Variants in KIF6 observed in about 807,000 individuals in gnomAD.
KIF6 encodes the protein kinesin-like protein KIF6.
Under a neutral mutation model 112.7 loss-of-function variants are expected in KIF6, and 106 were observed. That is an observed-to-expected ratio of 0.94 (90% confidence interval 0.80 to 1.11). The LOEUF (loss-of-function observed/expected upper bound fraction) is 1.11. KIF6 is among the 50% of genes least tolerant of loss of function. KIF6 has a pLI of 0.00. For synonymous variants in KIF6, 339 were observed against 339.9 expected, an observed-to-expected ratio of 1.00 and a Z score of 0.03; for missense variants, 929 against 964.0, an observed-to-expected ratio of 0.96 and a Z score of 0.48.
intron 11 of KIF6, among the ~76,000 whole-genome samples, chr6:39,545,154 C>T (rs1648048882): frequency 1.3e-5 from 2 of 152,014 alleles, no homozygotes; most frequent in African/African-American, 2.4e-5. Context: ...AAGAAGTATG[C>T]AAAAATACAA....
At chr6:39,369,190 T>C (rs1441917045) in intron 16 of KIF6, among the ~76,000 whole-genome samples, 1 of 152,178 alleles carries the variant, frequency 6.6e-6, no homozygotes, top group Non-Finnish European at 1.5e-5. Flanking sequence ...CCATTTCCTG[T>C]TTAATGGCTC....
chr6:39,591,894 C>T (rs552566617), intron 7 of KIF6, among the ~76,000 whole-genome samples: 53 of 152,186 alleles, frequency 3.5e-4, no homozygotes, highest in Non-Finnish European at 6.5e-4. Context: ...GGGCGGATCA[C>T]GAGGTCAGGA....
chr6:39,359,671 G>A (rs1265476910), intron 18 of KIF6, among the ~76,000 whole-genome samples: 2 of 152,034 alleles, frequency 1.3e-5, no homozygotes, highest in South Asian at 2.1e-4. Context: ...CTGCAGCCTC[G>A]ACCTCCCAGG....
intron 3 of KIF6, among the ~76,000 whole-genome samples, chr6:39,679,754 T>A (rs1456872337): frequency 1.3e-5 from 2 of 151,190 alleles, no homozygotes; most frequent in Non-Finnish European, 2.9e-5. Flanking sequence ...TAGCTGGGAC[T>A]ACAGGTGCAT....
chr6:39,679,444 A>C (rs550086785), intron 3 of KIF6, among the ~76,000 whole-genome samples: 1 of 152,120 alleles, frequency 6.6e-6, no homozygotes, highest in African/African-American at 2.4e-5. Context: ...CAGAGGAGTC[A>C]TCTGTCCAGT....
chr6:39,628,756 A>G (rs987115757), intron 5 of KIF6, among the ~76,000 whole-genome samples: 6 of 152,040 alleles, frequency 3.9e-5, no homozygotes, highest in African/African-American at 1.4e-4. Flanking sequence ...AATGTATGAT[A>G]TCATGTGCCC....
intron 12 of KIF6, among the ~76,000 whole-genome samples, chr6:39,542,227 T>G (rs747114458): frequency 1.3e-5 from 2 of 152,166 alleles, no homozygotes; most frequent in Non-Finnish European, 2.9e-5. Flanking sequence ...GCAATACGAA[T>G]CTATCTTCTG....
intron 10 of KIF6, among the ~76,000 whole-genome samples, chr6:39,548,284 A>G (rs1225116643): frequency 6.6e-6 from 1 of 152,230 alleles, no homozygotes; most frequent in African/African-American, 2.4e-5. Context: ...TGGACCACTC[A>G]CAGATTGCTC....
At chr6:39,539,139 G>C (rs1439569195) in intron 13 of KIF6, among the ~76,000 whole-genome samples, 4 of 150,910 alleles carry the variant, frequency 2.7e-5, no homozygotes, top group African/African-American at 4.9e-5. Context: ...AATGGGTGCA[G>C]CACACCAGCA....
At chr6:39,425,347 G>A (rs913102349) in intron 14 of KIF6, among the ~76,000 whole-genome samples, 1 of 152,166 alleles carries the variant, frequency 6.6e-6, no homozygotes, top group Non-Finnish European at 1.5e-5. Context: ...AGAAGACTGG[G>A]CCTATATTTT....
At chr6:39,508,109 T>G (rs546210832) in intron 13 of KIF6, among the ~76,000 whole-genome samples, 2 of 151,456 alleles carry the variant, frequency 1.3e-5, no homozygotes, top group Middle Eastern at 6.8e-3. Context: ...AAAACCCTCA[T>G]AGTTCTAATA....
intron 13 of KIF6, among the ~76,000 whole-genome samples, chr6:39,518,947 T>C (rs1352594609): frequency 6.6e-6 from 1 of 152,242 alleles, no homozygotes. Flanking sequence ...ATGCTCATCA[T>C]GCAGTGAAGA....
intron 3 of KIF6, among the ~76,000 whole-genome samples, chr6:39,679,714 C>T (rs1194152049): frequency 6.9e-6 from 1 of 144,430 alleles, no homozygotes; most frequent in Non-Finnish European, 1.5e-5. Flanking sequence ...CTCCTGGGTT[C>T]AAGCAATTCT....
chr6:39,632,825 T>G (rs1309529990), intron 5 of KIF6, among the ~76,000 whole-genome samples: 2 of 151,994 alleles, frequency 1.3e-5, no homozygotes, highest in African/African-American at 4.8e-5. Context: ...TTTCACCATG[T>G]TAGCCAGGAT....
At chr6:39,392,833 T>C (rs1437783923) in intron 15 of KIF6, among the ~76,000 whole-genome samples, 1 of 152,084 alleles carries the variant, frequency 6.6e-6, no homozygotes, top group Non-Finnish European at 1.5e-5. Flanking sequence ...AGGCAAATGG[T>C]AAAGAAGCAA....
At chr6:39,664,206 T>C (rs1786321473) in intron 3 of KIF6, among the ~76,000 whole-genome samples, 1 of 152,106 alleles carries the variant, frequency 6.6e-6, no homozygotes, top group African/African-American at 2.4e-5. Flanking sequence ...AGTTCAAGCT[T>C]GGTGTTTCAG....
At position 39,334,227 on chromosome 6, in the gene KIF6, C is replaced by T. The variant is rs1762833942; in HGVS notation, c.*2305G>A. 1 of 152,252 alleles carries T rather than the reference C, an allele frequency of 6.6e-6. No individual in the cohort carries two copies. 9.4% of individuals were successfully genotyped at this position (152,252 alleles called of 1,614,324 possible). A position where few individuals can be genotyped will look rare whatever the true frequency, so the allele number is the denominator to read the frequency against. ...TCACACCCCGCATGGGGCCATGCCACACATCTCTGTCAGTAAGGCCTTTGG... is the reference window on the plus strand; with the variant it reads ...TCACACCCCGCATGGGGCCATGCCATACATCTCTGTCAGTAAGGCCTTTGG... On this transcript the variant is annotated 3_prime_UTR_variant, in exon 23 of 23. Coordinates refer to ENST00000287152, the MANE Select transcript of KIF6 (RefSeq NM_145027.6).
chr6:39,500,402 C>A (rs1776055402), intron 13 of KIF6, among the ~76,000 whole-genome samples: 1 of 152,132 alleles, frequency 6.6e-6, no homozygotes, highest in African/African-American at 2.4e-5. Flanking sequence ...GGGAAGGAAT[C>A]TGAAATTAGG....
At chr6:39,477,724 G>A (rs1774520941) in intron 13 of KIF6, among the ~76,000 whole-genome samples, 1 of 152,064 alleles carries the variant, frequency 6.6e-6, no homozygotes, top group South Asian at 2.1e-4. Flanking sequence ...AGCGGGGCGT[G>A]GTGGCGCACT....
Sources: allele counts gnomAD v4.1 joint callset (sites outside exome capture counted in the v4.1 genomes callset), GRCh38; gene constraint gnomAD v4.1.1; transcripts MANE v1.5; gene names NCBI Gene and HGNC (gene_info 2026-07-23, HGNC 2026-07-21).